Variants in SH3BGRL observed in about 807,000 individuals in gnomAD.
The protein encoded by SH3BGRL is SH3 domain binding glutamate rich protein like, also known as adapter SH3BGRL.
A neutral mutation model predicts 9.8 loss-of-function variants in SH3BGRL; 7 were observed. The observed-to-expected ratio is 0.72, with a 90% CI of 0.41 to 1.35. The LOEUF is 1.35. SH3BGRL is among the 40% of genes most tolerant of loss of function. SH3BGRL has a pLI of 0.01. For synonymous variants in SH3BGRL, 36 were observed against 29.1 expected, an observed-to-expected ratio of 1.24 and a Z score of -0.76; for missense variants, 73 against 84.4, an observed-to-expected ratio of 0.86 and a Z score of 0.53.
chrX:81,278,469 A>T (rs1407844439), intron 3 of SH3BGRL, 58 bp downstream of exon 3: 6 of 742,444 alleles, frequency 8.1e-6, no homozygotes, highest in Non-Finnish European at 1.0e-5. Flanking sequence ...GAACTTTTTT[A>T]ATCAGTAAGA....
intron 1 of SH3BGRL, among the ~76,000 whole-genome samples, chrX:81,226,500 A>C (rs149551663): frequency 1.5e-4 from 16 of 103,753 alleles, no homozygotes; most frequent in South Asian, 4.1e-4. Flanking sequence ...TTATATATAT[A>C]TATATATCTA....
At chrX:81,280,542 G>A (rs1022920832) in intron 3 of SH3BGRL, among the ~76,000 whole-genome samples, 9 of 111,673 alleles carry the variant, frequency 8.1e-5, no homozygotes, top group Middle Eastern at 4.7e-3. Flanking sequence ...GGGTAGACTC[G>A]CTGGGTAGCT....
chrX:81,295,990 C>T (rs1368218073), intron 3 of SH3BGRL, among the ~76,000 whole-genome samples: 2 of 111,259 alleles, frequency 1.8e-5, no homozygotes, highest in East Asian at 5.6e-4. Context: ...TTAGTTCATT[C>T]TTACACTGCT....
At chrX:81,229,477 T>C (rs1309544683) in intron 1 of SH3BGRL, among the ~76,000 whole-genome samples, 4 of 111,457 alleles carry the variant, frequency 3.6e-5, no homozygotes, top group Non-Finnish European at 7.5e-5. Context: ...ACATGTGAGC[T>C]TGGAGAATGA....
intron 3 of SH3BGRL, among the ~76,000 whole-genome samples, chrX:81,285,533 A>G (rs1200204567): frequency 8.9e-6 from 1 of 111,928 alleles, no homozygotes; most frequent in Non-Finnish European, 1.9e-5. Context: ...CTTCATAGAT[A>G]AAAATGTGAA....
intron 3 of SH3BGRL, among the ~76,000 whole-genome samples, chrX:81,285,019 T>C (rs1259563406): frequency 1.8e-5 from 2 of 111,081 alleles, no homozygotes; most frequent in Non-Finnish European, 3.8e-5. Context: ...AGGTGTGGTA[T>C]TGACAATGAA....
At chrX:81,231,958 CTCTA>C (rs1410344332) in intron 1 of SH3BGRL, among the ~76,000 whole-genome samples, 8 of 111,245 alleles carry the variant, frequency 7.2e-5, no homozygotes, top group Admixed American at 9.5e-5. Flanking sequence ...ATGTGTTTCT[CTCTA>C]TATATATACA....
intron 3 of SH3BGRL, among the ~76,000 whole-genome samples, chrX:81,281,262 C>G (rs990162667): frequency 2.7e-5 from 3 of 111,186 alleles, no homozygotes; most frequent in Non-Finnish European, 5.7e-5. Context: ...GGGGAATAAT[C>G]AAGGAAAACT....
intron 1 of SH3BGRL, among the ~76,000 whole-genome samples, chrX:81,258,539 T>C (rs56153279): frequency 0.011 from 1,253 of 112,511 alleles, 15 homozygotes; most frequent in African/African-American, 0.038. Flanking sequence ...ATGATAGTGC[T>C]ATTAGGAACT....
chrX:81,293,645 G>A (rs888364151), intron 3 of SH3BGRL, among the ~76,000 whole-genome samples: 9 of 111,971 alleles, frequency 8.0e-5, no homozygotes, highest in African/African-American at 2.6e-4. Context: ...ATTGCACCAC[G>A]GCACAACAGC....
At chrX:81,254,143 T>A (rs1328893898) in intron 1 of SH3BGRL, among the ~76,000 whole-genome samples, 2 of 112,270 alleles carry the variant, frequency 1.8e-5, no homozygotes, top group Non-Finnish European at 3.8e-5. Context: ...TTCTTGATAG[T>A]CATAGTTCAA....
intron 1 of SH3BGRL, among the ~76,000 whole-genome samples, chrX:81,228,944 T>C (rs1420565555): frequency 8.9e-6 from 1 of 111,768 alleles, no homozygotes; most frequent in African/African-American, 3.3e-5. Context: ...AAATTCGATA[T>C]TACTGAAGTT....
intron 1 of SH3BGRL, among the ~76,000 whole-genome samples, chrX:81,243,728 T>G (rs2075679398): frequency 9.0e-6 from 1 of 111,345 alleles, no homozygotes; most frequent in Non-Finnish European, 1.9e-5. Flanking sequence ...AAAAAATAAG[T>G]AAATTCTTAC....
intron 1 of SH3BGRL, among the ~76,000 whole-genome samples, chrX:81,203,140 A>T (rs2147661344): frequency 8.9e-6 from 1 of 112,080 alleles, no homozygotes; most frequent in African/African-American, 3.2e-5. Flanking sequence ...GTGTATATCC[A>T]TGATAAATGA....
intron 1 of SH3BGRL, among the ~76,000 whole-genome samples, chrX:81,205,448 G>GTA (rs199921028): frequency 0.12 from 12,203 of 104,978 alleles, 702 homozygotes; most frequent in Non-Finnish European, 0.16. Flanking sequence ...TTTTGTGTGT[G>GTA]TATATATATG....
chrX:81,243,383 A>G (rs181979882), intron 1 of SH3BGRL, among the ~76,000 whole-genome samples: 110 of 112,155 alleles, frequency 9.8e-4, no homozygotes, highest in African/African-American at 3.4e-3. Context: ...GTTACCAGAG[A>G]TTGGAAAGGG....
intron 1 of SH3BGRL, among the ~76,000 whole-genome samples, chrX:81,251,418 T>G (rs1375467816): frequency 2.7e-5 from 3 of 110,372 alleles, no homozygotes; most frequent in African/African-American, 9.9e-5. Context: ...AACAAATTAC[T>G]GTTTTTTTTT....
At chrX:81,240,471 T>C (rs1428416922) in intron 1 of SH3BGRL, among the ~76,000 whole-genome samples, 1 of 112,090 alleles carries the variant, frequency 8.9e-6, no homozygotes, top group Non-Finnish European at 1.9e-5. Context: ...TAAAATTAAA[T>C]AGCGGGGCGT....
intron 1 of SH3BGRL, among the ~76,000 whole-genome samples, chrX:81,257,726 A>C (rs764181610): frequency 2.2e-4 from 24 of 110,878 alleles, no homozygotes; most frequent in African/African-American, 7.9e-4. Context: ...TATTGGTTGG[A>C]AGCAAATAGC....
Sources: gnomAD v4.1 joint callset for allele counts (sites outside exome capture counted in the v4.1 genomes callset) on GRCh38, gnomAD v4.1.1 for gene constraint, MANE v1.5 for transcripts, NCBI Gene and HGNC (gene_info 2026-07-23, HGNC 2026-07-21) for gene names.